The following CREB3L3 variants were observed in gnomAD, a reference collection of about 807,000 sequenced individuals.
The protein encoded by CREB3L3 is cAMP responsive element binding protein 3 like 3.
Under a neutral mutation model 44.6 loss-of-function variants are expected in CREB3L3, and 40 were observed. That is an observed-to-expected ratio of 0.90 (90% CI 0.70 to 1.17). CREB3L3 has a LOEUF of 1.17. CREB3L3 is among the 50% of genes most tolerant of loss of function. The pLI, the probability that CREB3L3 is intolerant of heterozygous loss-of-function variation, is 0.00. For synonymous variants in CREB3L3, 273 were observed against 256.3 expected (o/e 1.06, Z -0.62); for missense variants, 578 against 595.8 (o/e 0.97, Z 0.31).
chr19:4,170,057 A>G, intron 6 of CREB3L3, 83 bp from the exon 7 acceptor site: 1 of 1,335,906 alleles, frequency 7.5e-7, no homozygotes, highest in Non-Finnish European at 1.1e-6. Flanking sequence ...TTGGCTTGTA[A>G]CGTGAGGCCT....
chr19:4,164,602 G>C lies in CREB3L3; in HGVS notation c.676G>C (p.Glu226Gln). The change falls in exon 5 of 10, where the codon GAA (glutamate) becomes CAA (glutamine). Residue 226 changes from glutamate (E) to glutamine (Q), a missense_variant. Coordinates refer to ENST00000078445, the MANE Select transcript of CREB3L3 (RefSeq NM_032607.3). ...TEDEKKLLAK[E>Q]GITLPTQLPL... is the part of the protein sequence containing the mutation. ...GGATGAGAAGAAGCTGCTGGCTAAA[G>C]AAGGCATCACCCTGCCCACTCAGCT... 8 of 1,614,126 alleles carry C rather than the reference G, an allele frequency of 5.0e-6. No homozygotes were observed. Among genetic ancestry groups the C allele is most frequent in the Non-Finnish European group, 6.8e-6 (8 of 1,180,042 alleles).
chr19:4,159,839 C>T (rs1384136733), intron 4 of CREB3L3, 57 bp downstream of exon 4: 9 of 816,614 alleles, frequency 1.1e-5, no homozygotes, highest in Non-Finnish European at 1.8e-5. Flanking sequence ...TGCTCGGGTT[C>T]GAGGAGCCTA....
chr19:4,162,869 C>T (rs1035958767), intron 4 of CREB3L3, among the ~76,000 whole-genome samples: 10 of 152,178 alleles, frequency 6.6e-5, no homozygotes, highest in Admixed American at 2.6e-4. Context: ...TCCAGCTACT[C>T]GGGAAGCTGA....
chr19:4,157,489 T>C (rs1469468997), intron 3 of CREB3L3, among the ~76,000 whole-genome samples, 194 bp downstream of exon 3: 1 of 152,142 alleles, frequency 6.6e-6, no homozygotes, highest in Non-Finnish European at 1.5e-5. Context: ...GTGGATGCTA[T>C]TGGGAGCCCA....
intron 1 of CREB3L3, 84 bp downstream of exon 1, chr19:4,153,858 C>A: frequency 6.9e-7 from 1 of 1,441,804 alleles, no homozygotes; most frequent in Non-Finnish European, 9.7e-7. Flanking sequence ...AGGACCCCAT[C>A]TCCACCCCTA....
At chr19:4,165,372 G>C (rs1177335751) in intron 5 of CREB3L3, among the ~76,000 whole-genome samples, 4 of 143,492 alleles carry the variant, frequency 2.8e-5, no homozygotes, top group African/African-American at 1.0e-4. Context: ...ATGGGGTCTT[G>C]TTATGTTGCC....
intron 3 of CREB3L3, 43 bp from the exon 4 acceptor site, chr19:4,159,621 G>C: frequency 1.1e-6 from 1 of 909,940 alleles, no homozygotes; most frequent in South Asian, 1.3e-5. Context: ...GACTCCCCCC[G>C]TCTGACACTC....
intron 4 of CREB3L3, 57 bp downstream of exon 4, chr19:4,159,839 C>G: frequency 1.2e-6 from 1 of 816,734 alleles, no homozygotes; most frequent in Non-Finnish European, 2.2e-6. Context: ...TGCTCGGGTT[C>G]GAGGAGCCTA....
In CREB3L3 at chr19:4,159,840, G is replaced by A. The variant is rs186943134; in HGVS notation, c.576+58G>A. 9.2e-5 allele frequency: 75 copies of A among 816,554 alleles called. No individual in the cohort carries two copies. The African/African-American group carries it at 1.0e-3, about 11-fold the overall frequency. 50.6% of individuals were successfully genotyped at this position (816,554 alleles called of 1,614,324 possible). On this transcript the variant is annotated intron_variant, in intron 4 of 9. Transcript: ENST00000078445. ...GGAGCTGGGAGGGCTGCTCGGGTTC[G>A]AGGAGCCTAAATATCCCCGTTTCAG...
intron 3 of CREB3L3, 104 bp downstream of exon 3, chr19:4,157,399 T>C: frequency 2.3e-6 from 3 of 1,307,496 alleles, no homozygotes; most frequent in Non-Finnish European, 3.3e-6. Flanking sequence ...TTGTCCAAGG[T>C]CACACAGCAA....
chr19:4,171,046 C>T lies in CREB3L3; in HGVS notation c.891-45C>T, dbSNP rs973903991. 6.7e-7 allele frequency: 1 copy of T among 1,494,894 alleles called. No individual in the cohort carries two copies. The highest frequency in any genetic ancestry group is 9.3e-7 in the Non-Finnish European group (1 of 1,071,594). 92.6% of individuals were successfully genotyped at this position (1,494,894 alleles called of 1,614,324 possible). A position where few individuals can be genotyped will look rare whatever the true frequency, so the allele number is the denominator to read the frequency against. On this transcript the variant is annotated intron_variant, in intron 7 of 9. Transcript: ENST00000078445. The surrounding 1 kb of genome is among the most constrained non-coding windows in gnomAD (Gnocchi z 4.9). ...CCCCGGAAATGGACGAGAAGCAGAA[C>T]CGAGGCCCTTTAGGGCTCAGCGGAG...
intron 4 of CREB3L3, among the ~76,000 whole-genome samples, chr19:4,161,180 T>C: frequency 6.6e-6 from 1 of 152,188 alleles, no homozygotes; most frequent in Admixed American, 6.6e-5. Context: ...GCCAGGATGG[T>C]CTCGATCTCC....
intron 2 of CREB3L3, among the ~76,000 whole-genome samples, chr19:4,155,808 C>A (rs1317106275): frequency 7.2e-6 from 1 of 138,162 alleles, no homozygotes; most frequent in Admixed American, 7.8e-5. Context: ...AGCGCAATGG[C>A]GCGATCTTGG....
intron 4 of CREB3L3, among the ~76,000 whole-genome samples, chr19:4,164,187 A>C (rs552693404): frequency 4.0e-5 from 6 of 151,720 alleles, no homozygotes; most frequent in Admixed American, 1.3e-4. Context: ...GTTGACCAGG[A>C]TGGTCTCAAA....
intron 4 of CREB3L3, among the ~76,000 whole-genome samples, chr19:4,161,903 C>A (rs533281561): frequency 6.6e-6 from 1 of 152,234 alleles, no homozygotes; most frequent in East Asian, 1.9e-4. Flanking sequence ...CACTGCAGAT[C>A]CAGGAAGGCT....
intron 6 of CREB3L3, among the ~76,000 whole-genome samples, chr19:4,169,762 G>T (rs1417933427): frequency 1.3e-5 from 2 of 151,762 alleles, no homozygotes; most frequent in African/African-American, 4.8e-5. Context: ...ACCACACCTG[G>T]CTAATTTTGC....
rs781711812 is a variant in CREB3L3 at position 4,154,975 on chromosome 19, G to T, written c.104G>T (p.Gly35Val). The change falls in exon 2 of 10, where the codon GGC becomes GTC. Residue 35 changes from glycine to valine, a missense_variant. Transcript: ENST00000078445. ...GATCTCCTGTTTGACCGGCAGGACG[G>T]CATCCTGAGACACGTGGAGCTGGGC... ...LLDLLFDRQD[G>V]ILRHVELGEG... The T allele has an allele frequency of 1.9e-6, 3 of 1,612,892 alleles. No homozygotes were observed. The East Asian group carries it at 6.7e-5, about 36-fold the overall frequency.
chr19:4,171,083 T>G lies in CREB3L3; in HGVS notation c.891-8T>G. 1 of 1,612,646 alleles carries G rather than the reference T, an allele frequency of 6.2e-7. No homozygotes were observed. The highest frequency in any genetic ancestry group is 8.5e-7 in the Non-Finnish European group (1 of 1,178,678). On this transcript the variant is annotated splice_region_variant and splice_polypyrimidine_tract_variant and intron_variant, in intron 7 of 9. Coordinates refer to ENST00000078445, the MANE Select transcript of CREB3L3 (RefSeq NM_032607.3). This position sits in a 1 kb window ranked among gnomAD's most constrained non-coding sequence, Gnocchi z 4.9. ...AGGGCTCAGCGGAGGCCTGCCTGTC[T>G]CTCTAAGGTCCCTCTTGGAGCAACT...
intron 4 of CREB3L3, among the ~76,000 whole-genome samples, chr19:4,163,970 ATT>A (rs746262345): frequency 1.0e-4 from 12 of 114,872 alleles, no homozygotes; most frequent in Non-Finnish European, 1.2e-4. Context: ...TGGTCGGGTA[ATT>A]TTTTTTTTTT....
Sources: gnomAD v4.1 joint callset for allele counts (sites outside exome capture counted in the v4.1 genomes callset) on GRCh38, gnomAD v4.1.1 for gene constraint, Gnocchi (gnomAD v3.1) non-coding constraint, MANE v1.5 for transcripts, NCBI Gene and HGNC (gene_info 2026-07-23, HGNC 2026-07-21) for gene names.